Variants in WWC1 observed in about 807,000 individuals in gnomAD.
The protein encoded by WWC1 is WW and C2 domain containing 1.
In WWC1, 55 loss-of-function variants were observed where a neutral mutation model predicts 138.4. That is an observed-to-expected ratio of 0.40 (90% CI 0.32 to 0.50). WWC1 has a LOEUF of 0.50. Among genes scored for constraint, WWC1 ranks in the 20% least tolerant of loss-of-function variants. The probability of loss-of-function intolerance (pLI) is 0.72; values close to 1 mark genes in which losing one functional copy is unlikely to be tolerated. For missense variants in WWC1, 1,226 were observed against 1,420.4 expected (o/e 0.86, Z 2.20); for synonymous variants, 524 against 564.9 (o/e 0.93, Z 1.03).
chr5:168,408,146 G>A (rs1472351045), intron 6 of WWC1, among the ~76,000 whole-genome samples: 1 of 151,472 alleles, frequency 6.6e-6, no homozygotes, highest in Non-Finnish European at 1.5e-5. Context: ...GGGATTACAG[G>A]CATGAGCACC....
chr5:168,436,576 T>C (rs1486028241), intron 15 of WWC1, among the ~76,000 whole-genome samples: 2 of 152,172 alleles, frequency 1.3e-5, no homozygotes, highest in Non-Finnish European at 2.9e-5. Flanking sequence ...AAACGTAAAA[T>C]AGGACCTCAA....
At chr5:168,329,211 A>C (rs1358903269) in intron 1 of WWC1, among the ~76,000 whole-genome samples, 3 of 152,148 alleles carry the variant, frequency 2.0e-5, no homozygotes, top group African/African-American at 7.2e-5. Flanking sequence ...ATTTACCCTG[A>C]GCAGGGACCT....
At chr5:168,392,494 C>A (rs1206234559) in intron 3 of WWC1, among the ~76,000 whole-genome samples, 1 of 152,152 alleles carries the variant, frequency 6.6e-6, no homozygotes. Context: ...TAAGACCAGC[C>A]TGGGCAACAT....
chr5:168,335,469 AAG>A (rs955336303), intron 1 of WWC1, among the ~76,000 whole-genome samples: 3 of 152,220 alleles, frequency 2.0e-5, no homozygotes, highest in Admixed American at 6.5e-5. Context: ...AAAAGAAAGA[AAG>A]AACATCTAGA....
At chr5:168,438,878 T>C (rs1290197331) in intron 15 of WWC1, among the ~76,000 whole-genome samples, 8 of 152,158 alleles carry the variant, frequency 5.3e-5, no homozygotes, top group Non-Finnish European at 1.5e-5. Context: ...TAGTTTGTTA[T>C]AGTTTGTTTT....
chr5:168,299,192 C>G (rs1769835558), intron 1 of WWC1, among the ~76,000 whole-genome samples: 1 of 152,232 alleles, frequency 6.6e-6, no homozygotes, highest in Admixed American at 6.5e-5. Context: ...TAGCTGTAGC[C>G]TGGTCTGGCT....
chr5:168,351,357 T>C (rs1774940804), intron 1 of WWC1, among the ~76,000 whole-genome samples: 1 of 152,184 alleles, frequency 6.6e-6, no homozygotes, highest in African/African-American at 2.4e-5. Flanking sequence ...CCAATGTTTT[T>C]TCCTGCCTTG....
chr5:168,335,796 C>T (rs1198946823), intron 1 of WWC1, among the ~76,000 whole-genome samples: 2 of 152,172 alleles, frequency 1.3e-5, no homozygotes, highest in Non-Finnish European at 2.9e-5. Context: ...GTTTATAAAA[C>T]TTGATGAGGA....
chr5:168,446,237 A>T (rs77916446), intron 17 of WWC1, among the ~76,000 whole-genome samples: 7 of 143,974 alleles, frequency 4.9e-5, no homozygotes, highest in African/African-American at 1.8e-4. Context: ...ATTATTAAAA[A>T]AAAAAAAAAA....
At position 168,294,657 on chromosome 5, in the gene WWC1, C is replaced by T. The variant is rs534389636; in HGVS notation, c.119+2386C>T. 1.6e-4 allele frequency among the ~76,000 whole-genome samples: 25 copies of T among 152,218 alleles called. No homozygotes were observed. The South Asian group carries it at 3.5e-3, about 21-fold the overall frequency. On this transcript the variant is annotated intron_variant, in intron 1 of 22. Coordinates refer to ENST00000265293, the MANE Select transcript of WWC1 (RefSeq NM_015238.3). ...TTTTTGTTTTTTGGAGACAGAGTCT[C>T]GCTCTGTCGCCCAGGCTGGAGTCCA...
At chr5:168,302,267 C>T (rs1422424) in intron 1 of WWC1, among the ~76,000 whole-genome samples, 35,300 of 152,054 alleles carry the variant, frequency 0.23, 5,000 homozygotes, top group East Asian at 0.69. Context: ...GCATTTATCA[C>T]GTCCCACCCA....
chr5:168,334,053 T>TG (rs1491102912), intron 1 of WWC1, among the ~76,000 whole-genome samples: 5 of 18,212 alleles, frequency 2.7e-4, no homozygotes, highest in East Asian at 3.3e-3. Flanking sequence ...TCATCCCTAC[T>TG]GAAAAAAAAA....
At chr5:168,451,422 A>T (rs1028643291) in intron 17 of WWC1, among the ~76,000 whole-genome samples, 1 of 152,206 alleles carries the variant, frequency 6.6e-6, no homozygotes, top group African/African-American at 2.4e-5. Context: ...AATGCAAGTT[A>T]GGCCAGGCTC....
intron 5 of WWC1, among the ~76,000 whole-genome samples, chr5:168,402,904 A>T (rs1779414476): frequency 6.6e-6 from 1 of 152,204 alleles, no homozygotes; most frequent in African/African-American, 2.4e-5. Context: ...ACATGGAGAA[A>T]GGTACAACTT....
At chr5:168,373,963 A>C (rs10072701) in intron 2 of WWC1, among the ~76,000 whole-genome samples, 3 of 149,694 alleles carry the variant, frequency 2.0e-5, no homozygotes, top group African/African-American at 7.4e-5. Flanking sequence ...GGAGAATGGC[A>C]TGAACCCTGG....
chr5:168,448,666 T>A (rs2152878991), intron 17 of WWC1, among the ~76,000 whole-genome samples: 1 of 143,264 alleles, frequency 7.0e-6, no homozygotes, highest in Admixed American at 7.3e-5. Flanking sequence ...TCACCCAGGC[T>A]GGAGTGCAGT....
At chr5:168,357,303 T>TACAC (rs3083619) in intron 1 of WWC1, among the ~76,000 whole-genome samples, 7,225 of 145,102 alleles carry the variant, frequency 0.05, 228 homozygotes, top group Middle Eastern at 0.089. Context: ...CTTTCTCTCT[T>TACAC]ACACACACAC....
Position 168,387,567 on chromosome 5 carries a change from C to G in WWC1, c.433+2153C>G, listed in dbSNP as rs142660325. Among the ~76,000 whole-genome samples, 113 of 152,254 alleles carry G rather than the reference C, an allele frequency of 7.4e-4. 3 individuals are homozygous for G. In the East Asian group the frequency reaches 0.02, roughly 28 times the overall value. On this transcript the variant is annotated intron_variant, in intron 3 of 22. Coordinates refer to ENST00000265293, the MANE Select transcript of WWC1 (RefSeq NM_015238.3). Reference sequence around the variant, plus strand: ...GGCTTAAACGTTACACATTTATCTTCTTACAGTTCTAGAGCCTGGACGTCT... The same window carrying G: ...GGCTTAAACGTTACACATTTATCTTGTTACAGTTCTAGAGCCTGGACGTCT...
Position 168,371,424 on chromosome 5 carries a change from G to A in WWC1, c.120G>A (p.Arg40=), listed in dbSNP as rs879035202. The A allele has an allele frequency of 1.2e-6, 2 of 1,613,536 alleles. No homozygotes were observed. Among genetic ancestry groups the A allele is most frequent in the South Asian group, 1.1e-5 (1 of 91,040 alleles). The change falls in exon 2 of 23, where the codon AGG becomes AGA. Residue 40 remains arginine (R), a splice_region_variant and synonymous_variant. Coordinates refer to ENST00000265293, the MANE Select transcript of WWC1 (RefSeq NM_015238.3). The part of the protein sequence containing the change: ...RTTSWIDPRD[R]YTKPLTFADC... The stretch of plus-strand genomic sequence containing the variant: ...GTCTGTTTCTCCTCTCCCTTGCCAG[G>A]TACACCAAACCGCTCACCTTTGCTG...
Sources: allele counts gnomAD v4.1 joint callset (sites outside exome capture counted in the v4.1 genomes callset), GRCh38; gene constraint gnomAD v4.1.1; transcripts MANE v1.5; gene names NCBI Gene and HGNC (gene_info 2026-07-23, HGNC 2026-07-21).